Variants in ERCC5 observed in about 807,000 individuals in gnomAD.
ERCC5 encodes the protein ERCC excision repair 5, endonuclease, also known as DNA excision repair protein ERCC-5.
In ERCC5, 68 loss-of-function variants were observed where a neutral mutation model predicts 105.6. The observed-to-expected ratio is 0.64, with a 90% CI of 0.53 to 0.79. ERCC5 has a LOEUF of 0.79. ERCC5 is among the 30% of genes least tolerant of loss of function. ERCC5 has a pLI of 0.00. For synonymous variants in ERCC5, 546 were observed against 526.2 expected (o/e 1.04, Z -0.51); for missense variants, 1,373 against 1,426.7 (o/e 0.96, Z 0.61).
intron 5 of ERCC5, among the ~76,000 whole-genome samples, chr13:102,857,417 G>A (rs1159690835): frequency 2.0e-5 from 3 of 152,176 alleles, no homozygotes; most frequent in Non-Finnish European, 2.9e-5. Context: ...GGTGATGGGA[G>A]CATTAGTGAG....
intron 2 of ERCC5, 22 bp downstream of exon 2, chr13:102,852,315 G>A: frequency 6.2e-7 from 1 of 1,611,556 alleles, no homozygotes; most frequent in South Asian, 1.1e-5. Context: ...ATAGTTTTTA[G>A]TAAGTGTCAA....
chr13:102,849,080 T>G, intron 1 of ERCC5: 1 of 506,714 alleles, frequency 2.0e-6, no homozygotes, highest in South Asian at 1.4e-5. Context: ...AGAAACTAAT[T>G]TAATCCTATG....
intron 12 of ERCC5, among the ~76,000 whole-genome samples, chr13:102,871,113 C>A (rs1386101216): frequency 1.3e-5 from 2 of 152,204 alleles, no homozygotes; most frequent in Non-Finnish European, 2.9e-5. Flanking sequence ...GGCTAGGACC[C>A]CTTAAGATGG....
chr13:102,872,350 C>T lies in ERCC5; in HGVS notation c.2831C>T (p.Ser944Leu), dbSNP rs201841889. Residue 944 changes from serine to leucine, a missense_variant, in exon 13 of 15, where the codon TCG becomes TTG. This residue lies in a region of ERCC5 where 367 missense variants were observed against 350.2 expected (regional missense o/e 1.05). Transcript: ENST00000652225. ...TACCTCAAACCCGTGGTGGATGACT[C>T]GAAGGGATCCTTTCTGTGGGGGAAA... ...EAYLKPVVDD[S>L]KGSFLWGKPD... The T allele has an allele frequency of 5.1e-5, 83 of 1,614,136 alleles. No individual in the cohort carries two copies. The highest frequency in any genetic ancestry group is 1.8e-4 in the Admixed American group (11 of 60,022).
Position 102,862,504 on chromosome 13 carries a change from A to C in ERCC5, c.1355A>C (p.Asn452Thr). The C allele has an allele frequency of 1.9e-6, 3 of 1,614,168 alleles. No homozygotes were observed. The highest frequency in any genetic ancestry group is 2.5e-6 in the Non-Finnish European group (3 of 1,180,038). ...FTATLASSSV[N>T]SAEEHVASTN... ...GCAACACTTGCGTCATCTAGTGTGA[A>C]CTCTGCAGAGGAGCACGTAGCCAGC... The change falls in exon 8 of 15, where the codon AAC becomes ACC. Residue 452 changes from asparagine to threonine, a missense_variant. Transcript: ENST00000652225.
chr13:102,849,071 GA>G, intron 1 of ERCC5: 2 of 496,650 alleles, frequency 4.0e-6, no homozygotes, highest in Non-Finnish European at 8.0e-6. Flanking sequence ...GGGCCAAGTA[GA>G]AACTAATTTA....
Position 102,846,371 on chromosome 13 carries a change from G to T in ERCC5, c.88+17G>T. The T allele has an allele frequency of 6.2e-7, 1 of 1,610,586 alleles. No individual in the cohort carries two copies. The highest frequency in any genetic ancestry group is 1.3e-5 in the African/African-American group (1 of 74,992). On this transcript the variant is annotated intron_variant, in intron 1 of 14. Transcript: ENST00000652225. ...TGGCTGTTGGTATCCTTAACGCCGC[G>T]TTGGGACTTGGGGTGCAGGGATTCG...
intron 5 of ERCC5, 47 bp from the exon 6 acceptor site, chr13:102,858,228 A>G: frequency 6.2e-7 from 1 of 1,612,068 alleles, no homozygotes; most frequent in Non-Finnish European, 8.5e-7. Flanking sequence ...AATAGAACTA[A>G]GTGTATGAAA....
At chr13:102,854,099 G>A (rs563295218) in intron 3 of ERCC5, among the ~76,000 whole-genome samples, 189 bp from the exon 4 acceptor site, 3 of 152,264 alleles carry the variant, frequency 2.0e-5, no homozygotes, top group East Asian at 3.9e-4. Context: ...GTCGTGTTGC[G>A]TCATGTACAC....
At chr13:102,861,965 C>G in intron 7 of ERCC5, 65 bp from the exon 8 acceptor site, 1 of 1,585,710 alleles carries the variant, frequency 6.3e-7, no homozygotes, top group South Asian at 1.1e-5. Context: ...TCTTATCCAT[C>G]TTACTAGAAG....
At position 102,872,385 on chromosome 13, in the gene ERCC5, G is replaced by C. The variant is rs1883064768; in HGVS notation, c.2866G>C (p.Asp956His). The C allele has an allele frequency of 3.7e-6, 6 of 1,614,136 alleles. No individual in the cohort carries two copies. The highest frequency in any genetic ancestry group is 4.2e-6 in the Non-Finnish European group (5 of 1,180,026). Residue 956 changes from aspartate to histidine, a missense_variant, in exon 13 of 15, where the codon GAC (aspartate) becomes CAC (histidine). Physicochemically the swap from Asp to His is moderately conservative, Grantham distance 81. This residue lies in a region of ERCC5 where 367 missense variants were observed against 350.2 expected (regional missense o/e 1.05). Coordinates refer to ENST00000652225, the MANE Select transcript of ERCC5 (RefSeq NM_000123.4). ...CTTTCTGTGGGGGAAACCTGATCTCGACAAAATTAGAGAATATCCTTTGCT... is the reference window on the plus strand; with the variant it reads ...CTTTCTGTGGGGGAAACCTGATCTCCACAAAATTAGAGAATATCCTTTGCT... The part of the protein sequence containing the change: ...GSFLWGKPDL[D>H]KIREFCQRYF...
At chr13:102,854,049 G>A (rs183418920) in intron 3 of ERCC5, 177 bp downstream of exon 3, 149 of 740,332 alleles carry the variant, frequency 2.0e-4, no homozygotes, top group African/African-American at 1.0e-3. Flanking sequence ...GCAATTCTCC[G>A]TTCTGTGAGA....
chr13:102,852,672 C>A (rs1050688806), intron 2 of ERCC5, among the ~76,000 whole-genome samples: 4 of 152,176 alleles, frequency 2.6e-5, no homozygotes, highest in Non-Finnish European at 5.9e-5. Flanking sequence ...ATCAAGTATC[C>A]TCCGTGATAG....
At chr13:102,872,499 C>G in intron 13 of ERCC5, 101 bp downstream of exon 13, 1 of 1,381,988 alleles carries the variant, frequency 7.2e-7, no homozygotes, top group South Asian at 1.3e-5. Context: ...TCTTATATCC[C>G]GTTAATCCCA....
chr13:102,858,230 T>G, intron 5 of ERCC5, 45 bp from the exon 6 acceptor site: 1 of 1,611,628 alleles, frequency 6.2e-7, no homozygotes, highest in Non-Finnish European at 8.5e-7. Context: ...TAGAACTAAG[T>G]GTATGAAATG....
intron 14 of ERCC5, among the ~76,000 whole-genome samples, chr13:102,873,888 G>A (rs996018319): frequency 6.6e-6 from 1 of 151,918 alleles, no homozygotes; most frequent in Non-Finnish European, 1.5e-5. Context: ...ACAAGCTTTC[G>A]CCCACACTAG....
At chr13:102,873,205 T>C in intron 13 of ERCC5, 54 bp from the exon 14 acceptor site, 1 of 1,610,278 alleles carries the variant, frequency 6.2e-7, no homozygotes, top group Non-Finnish European at 8.5e-7. Flanking sequence ...ACCTTTTTAT[T>C]TGTCACTTGT....
chr13:102,866,781 A>G lies in ERCC5; in HGVS notation c.2469A>G (p.Arg823=). ...TGTTTGGAGCGCGGCATGTCTATAG[A>G]AACTTTTTTAATAAAAACAAGTTTG... ...IWLFGARHVY[R]NFFNKNKFVE... Residue 823 remains arginine (R), a synonymous_variant, in exon 11 of 15, where the codon AGA becomes AGG. Coordinates refer to ENST00000652225, the MANE Select transcript of ERCC5 (RefSeq NM_000123.4). The G allele has an allele frequency of 1.2e-6, 2 of 1,614,186 alleles. No individual in the cohort carries two copies. Among genetic ancestry groups the G allele is most frequent in the African/African-American group, 1.3e-5 (1 of 75,062 alleles).
chr13:102,853,870 A>G lies in ERCC5; in HGVS notation c.378A>G (p.Lys126=), dbSNP rs147181939. 3.1e-5 allele frequency: 50 copies of G among 1,613,908 alleles called. No individual in the cohort carries two copies. The highest frequency in any genetic ancestry group is 4.0e-5 in the Non-Finnish European group (47 of 1,179,840). ...RQAIKTAFRS[K]RDEALPSLTQ... ...CCATCAAAACTGCCTTCAGAAGCAA[A>G]AGGCAAGAGGAAAATTATAGTCGTG... The change falls in exon 3 of 15, where the codon AAA becomes AAG. Residue 126 remains lysine, a splice_region_variant and synonymous_variant. Transcript: ENST00000652225.
Sources: allele counts gnomAD v4.1 joint callset (sites outside exome capture counted in the v4.1 genomes callset), GRCh38; gene constraint gnomAD v4.1.1; regional missense constraint gnomAD v4.1.1; transcripts MANE v1.5; gene names NCBI Gene and HGNC (gene_info 2026-07-23, HGNC 2026-07-21).